GAL3ST1: variants seen among roughly 807,000 people sequenced by gnomAD.
GAL3ST1 encodes galactose-3-O-sulfotransferase 1, also known as galactosylceramide sulfotransferase.
A neutral mutation model predicts 25.0 loss-of-function variants in GAL3ST1; 13 were observed. The ratio of observed to expected loss-of-function variants is 0.52; its 90% CI spans 0.34 to 0.83. GAL3ST1 has a LOEUF of 0.83. Ranked by LOEUF, GAL3ST1 falls within the 40% of genes least tolerant of loss-of-function variation. The probability of loss-of-function intolerance (pLI) is 0.02; values close to 1 mark genes in which losing one functional copy is unlikely to be tolerated. For synonymous variants in GAL3ST1, 274 were observed against 277.8 expected (o/e 0.99, Z 0.14); for missense variants, 474 against 613.6 (o/e 0.77, Z 2.40).
chr22:30,574,240 C>A (rs1470348145), intron 1 of GAL3ST1, among the ~76,000 whole-genome samples: 2 of 151,482 alleles, frequency 1.3e-5, no homozygotes, highest in Non-Finnish European at 2.9e-5. Flanking sequence ...GGGGAAAAAA[C>A]CAAGGGCATG....
intron 1 of GAL3ST1, among the ~76,000 whole-genome samples, chr22:30,565,373 G>A (rs1384981751): frequency 6.6e-6 from 1 of 152,222 alleles, no homozygotes; most frequent in Non-Finnish European, 1.5e-5. Flanking sequence ...CCAAGGTCAC[G>A]CAGCTAGTAG....
chr22:30,564,431 AAC>A, intron 1 of GAL3ST1, among the ~76,000 whole-genome samples: 1 of 152,324 alleles, frequency 6.6e-6, no homozygotes, highest in Middle Eastern at 3.4e-3. Flanking sequence ...CCTTTGGGGT[AAC>A]ACAGCCCAGC....
At chr22:30,562,456 C>T (rs2086463928) in intron 1 of GAL3ST1, among the ~76,000 whole-genome samples, 2 of 152,188 alleles carry the variant, frequency 1.3e-5, no homozygotes, top group Non-Finnish European at 2.9e-5. Context: ...GTGTAAGCCA[C>T]CATGCCATGC....
At chr22:30,570,543 T>A (rs2086749618) in intron 1 of GAL3ST1, among the ~76,000 whole-genome samples, 1 of 152,176 alleles carries the variant, frequency 6.6e-6, no homozygotes, top group Admixed American at 6.5e-5. Flanking sequence ...ACGCCTGTAA[T>A]CCCAGCACTT....
intron 1 of GAL3ST1, among the ~76,000 whole-genome samples, chr22:30,561,512 T>C (rs981878642): frequency 6.6e-6 from 1 of 152,134 alleles, no homozygotes. Context: ...TTGTCCAGGG[T>C]CATTCAGCAA....
chr22:30,564,767 C>G (rs5994320), intron 1 of GAL3ST1: 24,332 of 152,254 alleles, frequency 0.16, 2,049 homozygotes, highest in South Asian at 0.22. Context: ...CCAGTCAGGT[C>G]TCAGGGTATC....
intron 1 of GAL3ST1, chr22:30,560,305 T>C (rs2086324313): frequency 6.6e-6 from 1 of 152,046 alleles, no homozygotes; most frequent in Non-Finnish European, 1.5e-5. Flanking sequence ...CAAGCCTGTG[T>C]TTCAATCCAG....
chr22:30,554,766 C>G lies in GAL3ST1; in HGVS notation c.*187G>C, dbSNP rs2085883409. On this transcript the variant is annotated 3_prime_UTR_variant, in exon 4 of 4. Coordinates refer to ENST00000406361, the MANE Select transcript of GAL3ST1 (RefSeq NM_001318104.2). ...CTGGTATAATTAGTTAAATACTGAT[C>G]TCGGTTAGGCCCTCTCTGTGTTCAT... 3 of 518,902 alleles carry G rather than the reference C, an allele frequency of 5.8e-6. No individual in the cohort carries two copies. In the South Asian group the frequency reaches 1.0e-4, roughly 17 times the overall value. The allele number at this position is 518,902 out of a possible 1,614,324, so 32.1% of individuals were successfully genotyped here.
chr22:30,557,576 G>A lies in GAL3ST1; in HGVS notation c.-9-175C>T, dbSNP rs1380625439. 1.6e-5 allele frequency: 10 copies of A among 628,136 alleles called. No individual in the cohort carries two copies. The African/African-American group carries it at 1.7e-4, about 10-fold the overall frequency. 38.9% of individuals were successfully genotyped at this position (628,136 alleles called of 1,614,324 possible). A position where few individuals can be genotyped will look rare whatever the true frequency, so the allele number is the denominator to read the frequency against. On this transcript the variant is annotated intron_variant, in intron 2 of 3. Coordinates refer to ENST00000406361, the MANE Select transcript of GAL3ST1 (RefSeq NM_001318104.2). The stretch of plus-strand genomic sequence containing the variant: ...ATAGACTGACAACCACCTGGAAAGA[G>A]ACAGCCCCAGGGTTGCAGAGACGGT...
chr22:30,568,404 G>A (rs1220338930), intron 1 of GAL3ST1, among the ~76,000 whole-genome samples: 1 of 152,198 alleles, frequency 6.6e-6, no homozygotes, highest in African/African-American at 2.4e-5. Flanking sequence ...GAGGTTAAGT[G>A]GGTGGACCTT....
intron 1 of GAL3ST1, among the ~76,000 whole-genome samples, chr22:30,567,974 C>T (rs1445397243): frequency 6.6e-6 from 1 of 152,266 alleles, no homozygotes; most frequent in East Asian, 1.9e-4. Context: ...TGAGCCACCG[C>T]GCCCAGCCCG....
intron 3 of GAL3ST1, among the ~76,000 whole-genome samples, chr22:30,556,315 C>T (rs1406510416): frequency 2.0e-5 from 3 of 152,154 alleles, no homozygotes; most frequent in African/African-American, 7.2e-5. Context: ...GCCCTATTCA[C>T]GGTGTTGTGA....
Position 30,555,065 on chromosome 22 carries a change from G to GCGTGCCGCTGCC in GAL3ST1, c.1148_1159dup (p.Gly383_His386dup). The GCGTGCCGCTGCC allele has an allele frequency of 6.2e-7, 1 of 1,612,682 alleles. No individual in the cohort carries two copies. The highest frequency in any genetic ancestry group is 8.5e-7 in the Non-Finnish European group (1 of 1,179,672). ...CGTGAGCATGCGCCGGCAGAGCTGCGCGTGCCGCTGCCCGATGCTCTTCTT... is the reference window on the plus strand; with the variant it reads ...CGTGAGCATGCGCCGGCAGAGCTGCGCGTGCCGCTGCCCGTGCCGCTGCCCGATGCTCTTCTT... On this transcript the variant is annotated inframe_insertion, in exon 4 of 4. Coordinates refer to ENST00000406361, the MANE Select transcript of GAL3ST1 (RefSeq NM_001318104.2). This position sits in a 1 kb window ranked among gnomAD's most constrained non-coding sequence, Gnocchi z 8.6.
chr22:30,561,441 C>A (rs184004566), intron 1 of GAL3ST1, among the ~76,000 whole-genome samples: 3 of 152,340 alleles, frequency 2.0e-5, no homozygotes, highest in East Asian at 3.9e-4. Flanking sequence ...CTCCACCCCC[C>A]ACCCTGCTGT....
At chr22:30,568,194 G>A (rs759107516) in intron 1 of GAL3ST1, among the ~76,000 whole-genome samples, 3 of 152,174 alleles carry the variant, frequency 2.0e-5, no homozygotes, top group African/African-American at 4.8e-5. Flanking sequence ...GCCTTGGGGC[G>A]GAGACAGCAG....
At chr22:30,567,727 A>G (rs1372572027) in intron 1 of GAL3ST1, among the ~76,000 whole-genome samples, 1 of 152,084 alleles carries the variant, frequency 6.6e-6, no homozygotes, top group Non-Finnish European at 1.5e-5. Context: ...CTTGTCACCC[A>G]TGCTGGAGTG....
Position 30,555,861 on chromosome 22 carries a change from C to G in GAL3ST1, c.364G>C (p.Ala122Pro), listed in dbSNP as rs201414101. ...CGATAGTCCTGCACCAGGCTGCGGG[C>G]GAAGAAGGTCGGGTAGTCGAAGTCA... is the stretch of plus-strand genomic sequence containing the variant. ...RNDFDYPTFF[A>P]RSLVQDYRPG... Residue 122 changes from alanine to proline, a missense_variant, in exon 4 of 4, where the codon GCC becomes CCC. Transcript: ENST00000406361. The surrounding 1 kb of genome is among the most constrained non-coding windows in gnomAD (Gnocchi z 8.6). 1 of 1,614,034 alleles carries G rather than the reference C, an allele frequency of 6.2e-7. No homozygotes were observed. The highest frequency in any genetic ancestry group is 8.5e-7 in the Non-Finnish European group (1 of 1,180,034).
At chr22:30,574,394 T>C (rs1037467192) in intron 1 of GAL3ST1, 72 bp downstream of exon 1, 1 of 152,042 alleles carries the variant, frequency 6.6e-6, no homozygotes, top group African/African-American at 2.4e-5. Flanking sequence ...TAGCGTAATG[T>C]GGGCGGTATC....
In GAL3ST1 at chr22:30,574,522, C is replaced by T. The variant is rs1303947975; in HGVS notation, c.-176G>A. 1.3e-5 allele frequency: 2 copies of T among 149,100 alleles called. No individual in the cohort carries two copies. Among genetic ancestry groups the T allele is most frequent in the Admixed American group, 6.7e-5 (1 of 15,010 alleles). 9.2% of individuals were successfully genotyped at this position (149,100 alleles called of 1,614,324 possible). A position where few individuals can be genotyped will look rare whatever the true frequency, so the allele number is the denominator to read the frequency against. On this transcript the variant is annotated 5_prime_UTR_variant, in exon 1 of 4. Transcript: ENST00000406361. ...CTGGCTCGGCCCGGGCCGCGCCGCC[C>T]GGGCGCTCACTGGGCGGCGGGGCGC...
Sources: allele counts gnomAD v4.1 joint callset (sites outside exome capture counted in the v4.1 genomes callset), GRCh38; gene constraint gnomAD v4.1.1; non-coding constraint Gnocchi (gnomAD v3.1); transcripts MANE v1.5; gene names NCBI Gene and HGNC (gene_info 2026-07-23, HGNC 2026-07-21).